UBE3D: variants seen among roughly 807,000 people sequenced by gnomAD.
The protein encoded by UBE3D is ubiquitin protein ligase E3D, also known as E3 ubiquitin-protein ligase E3D.
UBE3D carries 48 observed loss-of-function variants against 49.6 expected under a neutral mutation model. The observed-to-expected ratio is 0.97, with a 90% CI of 0.77 to 1.23. UBE3D has a LOEUF of 1.23. Among genes scored for constraint, UBE3D ranks in the 50% most tolerant of loss-of-function variants. UBE3D has a pLI of 0.00. For synonymous variants in UBE3D, 189 were observed against 174.2 expected (o/e 1.08, Z -0.67); for missense variants, 452 against 468.4 (o/e 0.96, Z 0.32).
rs779120785 is a variant in UBE3D, at chr6:82,892,992, C to A, written c.*30G>T. 1 of 1,613,434 alleles carries A rather than the reference C, an allele frequency of 6.2e-7. No individual in the cohort carries two copies. Among genetic ancestry groups the A allele is most frequent in the South Asian group, 1.1e-5 (1 of 91,068 alleles). ...TGTGCTCCTGCTTGAGAGCTGTCTG[C>A]CGGGGGAGGAGAATGCCCAGCTCTA... On this transcript the variant is annotated 3_prime_UTR_variant, in exon 10 of 10. Transcript: ENST00000369747.
At chr6:83,040,056 T>A (rs1782548564) in intron 4 of UBE3D, among the ~76,000 whole-genome samples, 2 of 152,126 alleles carry the variant, frequency 1.3e-5, no homozygotes, top group Non-Finnish European at 2.9e-5. Flanking sequence ...TATGTGTGCA[T>A]GAGTGTATGT....
At chr6:82,897,050 A>G (rs950677885) in intron 9 of UBE3D, among the ~76,000 whole-genome samples, 8 of 151,936 alleles carry the variant, frequency 5.3e-5, no homozygotes, top group Admixed American at 1.3e-4. Context: ...TAGAATTTCA[A>G]TCACTAAAAA....
intron 9 of UBE3D, among the ~76,000 whole-genome samples, chr6:82,924,627 A>G (rs927294946): frequency 1.3e-5 from 2 of 152,214 alleles, no homozygotes; most frequent in African/African-American, 4.8e-5. Flanking sequence ...TATTAGCTCT[A>G]TCTTTAAAAT....
intron 8 of UBE3D, among the ~76,000 whole-genome samples, chr6:82,993,093 G>A (rs1044891392): frequency 9.9e-5 from 15 of 151,916 alleles, no homozygotes; most frequent in African/African-American, 3.4e-4. Context: ...TTAGGTTATT[G>A]TGACAGAGAA....
At chr6:82,895,895 G>A (rs772783002) in intron 9 of UBE3D, among the ~76,000 whole-genome samples, 8 of 152,126 alleles carry the variant, frequency 5.3e-5, no homozygotes, top group Non-Finnish European at 1.2e-4. Flanking sequence ...GCATGCCTGC[G>A]AATATGAACT....
chr6:82,924,203 TAAAAAG>T (rs959073125), intron 9 of UBE3D, among the ~76,000 whole-genome samples: 8 of 151,944 alleles, frequency 5.3e-5, no homozygotes, highest in African/African-American at 1.7e-4. Flanking sequence ...TACATAATAA[TAAAAAG>T]AAAAAGAAAA....
chr6:83,006,909 T>A (rs1002775450), intron 8 of UBE3D, among the ~76,000 whole-genome samples: 3 of 152,192 alleles, frequency 2.0e-5, no homozygotes, highest in African/African-American at 7.2e-5. Context: ...TTTTGTGTTA[T>A]GTGTTTTTAA....
chr6:83,033,214 A>G (rs946012715), intron 5 of UBE3D, among the ~76,000 whole-genome samples: 2 of 152,164 alleles, frequency 1.3e-5, no homozygotes, highest in African/African-American at 2.4e-5. Context: ...TCTCATAGGC[A>G]TTCCCTCATG....
chr6:83,024,100 G>T, intron 5 of UBE3D, 62 bp from the exon 6 acceptor site: 1 of 861,846 alleles, frequency 1.2e-6, no homozygotes, highest in Non-Finnish European at 1.8e-6. Flanking sequence ...TTGTGGGCAA[G>T]TTGACTCCAA....
chr6:82,950,883 A>G (rs1775741357), intron 9 of UBE3D, among the ~76,000 whole-genome samples: 2 of 152,146 alleles, frequency 1.3e-5, no homozygotes, highest in African/African-American at 4.8e-5. Flanking sequence ...GTTCTCACTT[A>G]CTTGTGGGAT....
At chr6:83,035,059 T>G (rs1479616904) in intron 5 of UBE3D, among the ~76,000 whole-genome samples, 1 of 151,406 alleles carries the variant, frequency 6.6e-6, no homozygotes, top group Non-Finnish European at 1.5e-5. Flanking sequence ...TATGCACCTG[T>G]GGTCCCGGCT....
At chr6:83,018,861 G>A in intron 8 of UBE3D, 112 bp downstream of exon 8, 1 of 1,212,978 alleles carries the variant, frequency 8.2e-7, no homozygotes, top group Non-Finnish European at 1.2e-6. Flanking sequence ...GCTCCTAGAA[G>A]CTTCAAGTAG....
At chr6:82,997,436 G>T (rs574011564) in intron 8 of UBE3D, among the ~76,000 whole-genome samples, 1 of 152,056 alleles carries the variant, frequency 6.6e-6, no homozygotes, top group African/African-American at 2.4e-5. Context: ...AAAGAAAAAC[G>T]TGCCCGGGTG....
rs913429975 is a variant in UBE3D at position 82,897,431 on chromosome 6, A to G, written c.1150-4389T>C. On this transcript the variant is annotated intron_variant, in intron 9 of 9. Transcript: ENST00000369747. ...CATGGTAAAATCCCCTCTCTACTAAAAACACAAAAATTAGCTGGGTACAGT... is the reference window on the plus strand; with the variant it reads ...CATGGTAAAATCCCCTCTCTACTAAGAACACAAAAATTAGCTGGGTACAGT... Among the ~76,000 whole-genome samples, 9 of 151,946 alleles carry G rather than the reference A, an allele frequency of 5.9e-5. No individual in the cohort carries two copies. In the East Asian group the frequency reaches 1.7e-3, roughly 29 times the overall value.
At chr6:82,996,301 T>C (rs961200540) in intron 8 of UBE3D, among the ~76,000 whole-genome samples, 3 of 147,120 alleles carry the variant, frequency 2.0e-5, no homozygotes, top group African/African-American at 7.5e-5. Context: ...GCTGGAACAA[T>C]TTGAGCAACA....
chr6:83,021,945 T>C (rs1029810096), intron 7 of UBE3D, among the ~76,000 whole-genome samples: 2 of 152,142 alleles, frequency 1.3e-5, no homozygotes, highest in Non-Finnish European at 2.9e-5. Context: ...GATTTTTCTC[T>C]GTATCCGTAG....
Position 82,892,940 on chromosome 6 carries a change from G to T in UBE3D, c.*82C>A. On this transcript the variant is annotated 3_prime_UTR_variant, in exon 10 of 10. Coordinates refer to ENST00000369747, the MANE Select transcript of UBE3D (RefSeq NM_198920.3). ...TCTGGTTCTTGTCTTTGTAATTGAT[G>T]CCTCCTGAGCTGACTGCTGGCCTCG... 1 of 1,492,346 alleles carries T rather than the reference G, an allele frequency of 6.7e-7. No individual in the cohort carries two copies. The highest frequency in any genetic ancestry group is 9.3e-7 in the Non-Finnish European group (1 of 1,070,526). The allele number at this position is 1,492,346 out of a possible 1,614,324, so 92.4% of individuals were successfully genotyped here.
intron 4 of UBE3D, among the ~76,000 whole-genome samples, chr6:83,042,541 T>C (rs367643333): frequency 1.8e-4 from 28 of 152,342 alleles, no homozygotes; most frequent in Non-Finnish European, 3.7e-4. Context: ...AGTTGTGTAA[T>C]GAAGCAGCCT....
chr6:82,920,419 C>T (rs1773242520), intron 9 of UBE3D, among the ~76,000 whole-genome samples: 1 of 152,152 alleles, frequency 6.6e-6, no homozygotes, highest in Non-Finnish European at 1.5e-5. Flanking sequence ...TCTATAATAG[C>T]ACCATTTAAA....
Sources: allele counts gnomAD v4.1 joint callset (sites outside exome capture counted in the v4.1 genomes callset), GRCh38; gene constraint gnomAD v4.1.1; transcripts MANE v1.5; gene names NCBI Gene and HGNC (gene_info 2026-07-23, HGNC 2026-07-21).